PVT1: variants seen among roughly 807,000 people sequenced by gnomAD.
PVT1 encodes the protein Pvt1 oncogene, also known as CXCR4/PVT1 fusion.
intron 4 of PVT1, among the ~76,000 whole-genome samples, chr8:128,029,800 A>G (rs565691327): frequency 4.6e-5 from 7 of 152,200 alleles, no homozygotes; most frequent in Non-Finnish European, 1.0e-4. Context: ...CTCTGTCTCA[A>G]AAACAAACAA....
chr8:128,097,059 G>T (rs1814438224), intron 6 of PVT1, among the ~76,000 whole-genome samples: 4 of 152,136 alleles, frequency 2.6e-5, no homozygotes, highest in Admixed American at 2.6e-4. Context: ...CTAGATCAGG[G>T]GTCCTTAAAC....
intron 2 of PVT1, among the ~76,000 whole-genome samples, chr8:127,842,788 C>T (rs989599677): frequency 2.0e-5 from 3 of 152,196 alleles, no homozygotes; most frequent in African/African-American, 2.4e-5. Flanking sequence ...CAAGAGATAG[C>T]ATCTGAGTGA....
chr8:127,979,188 C>G (rs1452865414), intron 3 of PVT1, among the ~76,000 whole-genome samples: 1 of 152,216 alleles, frequency 6.6e-6, no homozygotes, highest in African/African-American at 2.4e-5. Flanking sequence ...TTTTACCAAA[C>G]TCCTTTTTTA....
chr8:127,819,102 G>T (rs758599491), intron 2 of PVT1, among the ~76,000 whole-genome samples: 11 of 152,212 alleles, frequency 7.2e-5, no homozygotes, highest in Non-Finnish European at 1.5e-4. Flanking sequence ...CTGGCTGCGA[G>T]CCCCGGGGTA....
At chr8:127,900,895 A>G (rs1208336146) in intron 3 of PVT1, among the ~76,000 whole-genome samples, 1 of 152,232 alleles carries the variant, frequency 6.6e-6, no homozygotes, top group Non-Finnish European at 1.5e-5. Flanking sequence ...TACCTCTGCC[A>G]GTCAGCATGC....
intron 2 of PVT1, among the ~76,000 whole-genome samples, chr8:127,867,610 C>G (rs1815299290): frequency 6.6e-6 from 1 of 152,168 alleles, no homozygotes; most frequent in African/African-American, 2.4e-5. Context: ...TGGTAATGCC[C>G]TCTGGGCTGG....
At chr8:128,072,629 T>C (rs1814012019) in intron 5 of PVT1, among the ~76,000 whole-genome samples, 1 of 152,110 alleles carries the variant, frequency 6.6e-6, no homozygotes, top group Non-Finnish European at 1.5e-5. Context: ...AAACAGAATT[T>C]CAGAATCTTC....
chr8:128,013,058 G>T (rs1817333502), intron 4 of PVT1, among the ~76,000 whole-genome samples: 1 of 152,122 alleles, frequency 6.6e-6, no homozygotes, highest in Non-Finnish European at 1.5e-5. Flanking sequence ...TTGTAGAAAT[G>T]ATTTCATTCC....
At chr8:128,002,198 C>G (rs1817185083) in intron 4 of PVT1, among the ~76,000 whole-genome samples, 1 of 152,196 alleles carries the variant, frequency 6.6e-6, no homozygotes, top group Non-Finnish European at 1.5e-5. Context: ...GGATAATCCC[C>G]AACAGGCGCC....
chr8:127,842,347 T>G (rs1310490562), intron 2 of PVT1, among the ~76,000 whole-genome samples: 2 of 151,922 alleles, frequency 1.3e-5, no homozygotes, highest in Non-Finnish European at 2.9e-5. Flanking sequence ...TTTCAACTCC[T>G]GGGATCCAGT....
intron 2 of PVT1, among the ~76,000 whole-genome samples, chr8:127,837,891 A>C (rs1374168644): frequency 2.7e-5 from 4 of 149,422 alleles, no homozygotes; most frequent in Non-Finnish European, 3.0e-5. Context: ...GGGTGTGATT[A>C]TTTATGATTT....
intron 6 of PVT1, among the ~76,000 whole-genome samples, chr8:128,100,318 C>T (rs1814488395): frequency 2.0e-5 from 3 of 152,156 alleles, no homozygotes; most frequent in African/African-American, 7.2e-5. Context: ...ACAAGAGAAA[C>T]CAGGTCTCTG....
At chr8:127,937,537 C>T (rs1446951314) in intron 3 of PVT1, among the ~76,000 whole-genome samples, 1 of 136,180 alleles carries the variant, frequency 7.3e-6, no homozygotes, top group South Asian at 2.3e-4. Flanking sequence ...AATGCCCACC[C>T]TAGGGAAAAA....
At position 127,876,253 on chromosome 8, in the gene PVT1, AGTGTGTGT is replaced by A. The variant is rs56039408; in HGVS notation, n.373-14313_373-14306del. ...GATTCACACACACGCCCCAAACAGC[AGTGTGTGT>A]GTGTGTGTGTGTGTGTGTGTGTATG... On this transcript the variant is annotated intron_variant and non_coding_transcript_variant, in intron 2 of 10. Transcript: ENST00000651587. 8.3e-3 allele frequency among the ~76,000 whole-genome samples: 1,245 copies of A among 149,134 alleles called. 15 individuals are homozygous for A. Among genetic ancestry groups the A allele is most frequent in the African/African-American group, 0.027 (1,092 of 40,656 alleles).
chr8:127,876,789 G>A (rs879848925), intron 2 of PVT1, among the ~76,000 whole-genome samples: 19 of 152,200 alleles, frequency 1.2e-4, no homozygotes, highest in Admixed American at 9.8e-4. Flanking sequence ...GAGCCGATGT[G>A]CCTGCTCCTG....
intron 3 of PVT1, among the ~76,000 whole-genome samples, chr8:127,917,949 A>AT (rs1385464293): frequency 6.6e-6 from 1 of 151,908 alleles, no homozygotes; most frequent in Non-Finnish European, 1.5e-5. Context: ...CCACAAGGAG[A>AT]TTACGGACAA....
At chr8:127,923,572 A>G (rs866889641) in intron 3 of PVT1, among the ~76,000 whole-genome samples, 6 of 152,196 alleles carry the variant, frequency 3.9e-5, no homozygotes, top group East Asian at 1.9e-4. Flanking sequence ...CAGAGGGTTC[A>G]ATGCAGTGGG....
chr8:128,034,470 ACTGTGC>A (rs1022145160), intron 4 of PVT1, among the ~76,000 whole-genome samples: 2 of 152,076 alleles, frequency 1.3e-5, no homozygotes, highest in African/African-American at 4.8e-5. Flanking sequence ...GAATACACTT[ACTGTGC>A]TGTTCTAGCT....
At chr8:128,071,153 A>G (rs932598235) in intron 5 of PVT1, among the ~76,000 whole-genome samples, 11 of 152,172 alleles carry the variant, frequency 7.2e-5, no homozygotes, top group Non-Finnish European at 1.3e-4. Flanking sequence ...TTTCCACACC[A>G]GCTGCTCCAG....
Sources: allele counts gnomAD v4.1 joint callset (sites outside exome capture counted in the v4.1 genomes callset), GRCh38; gene constraint gnomAD v4.1.1; transcripts MANE v1.5; gene names NCBI Gene and HGNC (gene_info 2026-07-23, HGNC 2026-07-21).